Variants in HACD3 observed in about 807,000 individuals in gnomAD.
HACD3 encodes 3-hydroxyacyl-CoA dehydratase 3.
HACD3 carries 30 observed loss-of-function variants against 55.2 expected under a neutral mutation model. That is an observed-to-expected ratio of 0.54 (90% CI 0.41 to 0.74). The LOEUF is 0.74. HACD3 is among the 30% of genes least tolerant of loss of function. HACD3 has a pLI of 0.00. For synonymous variants in HACD3, 141 were observed against 151.7 expected (o/e 0.93, Z 0.52); for missense variants, 363 against 440.1 (o/e 0.82, Z 1.57).
In HACD3 at chr15:65,576,406, C is replaced by T; in HGVS notation, c.*27C>T. ...AAGAAAGATTTAGATGGCTTCTTGC[C>T]AGTTTGAGCCTAATCTGATTCTTAC... On this transcript the variant is annotated 3_prime_UTR_variant, in exon 11 of 11. Coordinates refer to ENST00000261875, the MANE Select transcript of HACD3 (RefSeq NM_016395.4). The T allele has an allele frequency of 1.3e-6, 2 of 1,564,696 alleles. No homozygotes were observed. The highest frequency in any genetic ancestry group is 2.0e-5 in the Admixed American group (1 of 50,274).
At chr15:65,544,642 T>G (rs1242087482) in intron 1 of HACD3, among the ~76,000 whole-genome samples, 1 of 151,784 alleles carries the variant, frequency 6.6e-6, no homozygotes, top group Non-Finnish European at 1.5e-5. Flanking sequence ...AAATTTCAAT[T>G]AAAAAAAGGG....
intron 4 of HACD3, among the ~76,000 whole-genome samples, chr15:65,557,599 C>T (rs960609224): frequency 6.6e-5 from 10 of 152,130 alleles, no homozygotes; most frequent in Non-Finnish European, 1.2e-4. Context: ...CTTGGCTCTC[C>T]TTGGAAGGAA....
At chr15:65,549,519 G>A (rs1238390801) in intron 1 of HACD3, among the ~76,000 whole-genome samples, 1 of 149,174 alleles carries the variant, frequency 6.7e-6, no homozygotes, top group Non-Finnish European at 1.5e-5. Context: ...AGAATCGCTT[G>A]AGCCTGGGAG....
At chr15:65,533,756 A>AG (rs1567329096) in intron 1 of HACD3, among the ~76,000 whole-genome samples, 1 of 150,646 alleles carries the variant, frequency 6.6e-6, no homozygotes, top group East Asian at 1.9e-4. Context: ...AAAAAAAAAA[A>AG]AAGAAAGAAA....
chr15:65,562,702 A>T (rs554075129), intron 5 of HACD3, 72 bp from the exon 6 acceptor site: 55 of 1,555,552 alleles, frequency 3.5e-5, no homozygotes, highest in Non-Finnish European at 4.4e-5. Flanking sequence ...AGTCATCCAG[A>T]TATGCCTCAT....
At chr15:65,575,592 A>G (rs561843958) in intron 10 of HACD3, among the ~76,000 whole-genome samples, 1 of 152,314 alleles carries the variant, frequency 6.6e-6, no homozygotes, top group East Asian at 1.9e-4. Flanking sequence ...ATATTGAACT[A>G]TACCTACCTG....
intron 1 of HACD3, among the ~76,000 whole-genome samples, chr15:65,548,512 C>G (rs1255808995): frequency 2.5e-5 from 2 of 79,214 alleles, no homozygotes; most frequent in Non-Finnish European, 5.8e-5. Flanking sequence ...GATTCTGTCT[C>G]AAAAAAAAAA....
In HACD3 at chr15:65,564,228, C is replaced by T. The variant is rs768121713; in HGVS notation, c.546C>T (p.Asp182=). Residue 182 remains aspartate (D), a synonymous_variant, in exon 7 of 11, where the codon GAC becomes GAT. Coordinates refer to ENST00000261875, the MANE Select transcript of HACD3 (RefSeq NM_016395.4). ...TTTTGCCTATAGAGTCCTTTTATGA[C>T]ACATTCCATACTGTGGCTGACATGA... ...FCILGKESFY[D]TFHTVADMMY... is the part of the protein sequence containing the mutation. 2 of 1,613,424 alleles carry T rather than the reference C, an allele frequency of 1.2e-6. No individual in the cohort carries two copies. Among genetic ancestry groups the T allele is most frequent in the South Asian group, 1.1e-5 (1 of 90,914 alleles).
intron 7 of HACD3, among the ~76,000 whole-genome samples, chr15:65,568,585 C>T (rs1321920896): frequency 6.6e-6 from 1 of 151,836 alleles, no homozygotes; most frequent in Non-Finnish European, 1.5e-5. Flanking sequence ...TCTTGAACTC[C>T]TGACCTCAAA....
chr15:65,563,698 T>C (rs2141220879), intron 6 of HACD3, among the ~76,000 whole-genome samples: 1 of 152,164 alleles, frequency 6.6e-6, no homozygotes, highest in East Asian at 1.9e-4. Context: ...TGGCTGTGCG[T>C]GGTGGCTCAC....
chr15:65,564,297 A>G lies in HACD3; in HGVS notation c.615A>G (p.Ala205=), dbSNP rs2072271199. 6.2e-7 allele frequency: 1 copy of G among 1,613,966 alleles called. No homozygotes were observed. ...QMLAVVETIN[A]AIGVTTSPVL... is the part of the protein sequence containing the mutation. Reference sequence around the variant, plus strand: ...TGGCAGTTGTGGAAACTATCAATGCAGCAATTGGAGTCACTACGTCACCGG... The same window carrying G: ...TGGCAGTTGTGGAAACTATCAATGCGGCAATTGGAGTCACTACGTCACCGG... The change falls in exon 7 of 11, where the codon GCA becomes GCG. Residue 205 remains alanine (A), a synonymous_variant. Transcript: ENST00000261875.
chr15:65,533,290 G>A (rs1244676025), intron 1 of HACD3, among the ~76,000 whole-genome samples: 3 of 152,284 alleles, frequency 2.0e-5, no homozygotes, highest in South Asian at 2.1e-4. Flanking sequence ...GATTAGGGGA[G>A]GGGAGGGTTA....
intron 1 of HACD3, among the ~76,000 whole-genome samples, chr15:65,532,771 T>G (rs2071915357): frequency 6.6e-6 from 1 of 152,176 alleles, no homozygotes; most frequent in Non-Finnish European, 1.5e-5. Context: ...ACCATTAGTT[T>G]AAAAGCATGA....
At chr15:65,564,647 T>C (rs2072274690) in intron 7 of HACD3, 1 of 243,992 alleles carries the variant, frequency 4.1e-6, no homozygotes, top group South Asian at 6.7e-5. Context: ...GAGAATAGCA[T>C]GGGAAAGACC....
chr15:65,542,227 CAAAAAA>C (rs527287203), intron 1 of HACD3, among the ~76,000 whole-genome samples: 1 of 63,240 alleles, frequency 1.6e-5, no homozygotes, highest in African/African-American at 6.2e-5. Context: ...GACTCCATCT[CAAAAAA>C]AAAAAAAAAA....
Position 65,562,688 on chromosome 15 carries a change from T to C in HACD3, c.422-86T>C, listed in dbSNP as rs998052160. 3.3e-6 allele frequency: 5 copies of C among 1,514,614 alleles called. No homozygotes were observed. The South Asian group carries it at 6.4e-5, about 19-fold the overall frequency. 93.8% of individuals were successfully genotyped at this position (1,514,614 alleles called of 1,614,324 possible). ...AGGAGCATTCAGGAAGGAAAAAGGGTTGAAGTCATCCAGATATGCCTCATA... is the reference window on the plus strand; with the variant it reads ...AGGAGCATTCAGGAAGGAAAAAGGGCTGAAGTCATCCAGATATGCCTCATA... On this transcript the variant is annotated intron_variant, in intron 5 of 10. Coordinates refer to ENST00000261875, the MANE Select transcript of HACD3 (RefSeq NM_016395.4).
intron 8 of HACD3, among the ~76,000 whole-genome samples, chr15:65,571,343 G>C (rs2072345602): frequency 6.6e-6 from 1 of 152,132 alleles, no homozygotes; most frequent in South Asian, 2.1e-4. Flanking sequence ...CCTAAACTTA[G>C]TCTGCCATTA....
chr15:65,568,918 G>A (rs940983866), intron 7 of HACD3, among the ~76,000 whole-genome samples: 11 of 152,062 alleles, frequency 7.2e-5, no homozygotes, highest in East Asian at 1.9e-4. Context: ...GTCTTGCCAC[G>A]TGAAAATGAG....
intron 1 of HACD3, among the ~76,000 whole-genome samples, chr15:65,531,057 G>T (rs1314999373): frequency 6.6e-6 from 1 of 152,216 alleles, no homozygotes; most frequent in Non-Finnish European, 1.5e-5. Context: ...GTTCGAGTTG[G>T]CTGGGGCCCT....
Sources: allele counts gnomAD v4.1 joint callset (sites outside exome capture counted in the v4.1 genomes callset), GRCh38; gene constraint gnomAD v4.1.1; transcripts MANE v1.5; gene names NCBI Gene and HGNC (gene_info 2026-07-23, HGNC 2026-07-21).